Variants in EYA3 observed in about 807,000 individuals in gnomAD.
The protein encoded by EYA3 is EYA transcriptional coactivator and phosphatase 3.
A neutral mutation model predicts 80.0 loss-of-function variants in EYA3; 39 were observed. That is an observed-to-expected ratio of 0.49 (90% CI 0.38 to 0.64). EYA3 has a LOEUF of 0.64. Ranked by LOEUF, EYA3 falls within the 30% of genes least tolerant of loss-of-function variation. The probability of loss-of-function intolerance (pLI) is 0.00; values close to 1 mark genes in which losing one functional copy is unlikely to be tolerated. For synonymous variants in EYA3, 206 were observed against 232.8 expected, an observed-to-expected ratio of 0.88 and a Z score of 1.05; for missense variants, 523 against 676.1, an observed-to-expected ratio of 0.77 and a Z score of 2.51.
chr1:28,012,488 G>A (rs1002695774), intron 9 of EYA3, among the ~76,000 whole-genome samples: 7 of 151,980 alleles, frequency 4.6e-5, no homozygotes, highest in African/African-American at 1.5e-4. Flanking sequence ...TGCTTTCCTC[G>A]AACCACATGA....
At chr1:27,981,861 CA>C (rs1432898067) in intron 16 of EYA3, among the ~76,000 whole-genome samples, 2 of 151,812 alleles carry the variant, frequency 1.3e-5, no homozygotes, top group East Asian at 3.9e-4. Context: ...ATTTATGAGA[CA>C]AAGTCTTGCT....
chr1:28,011,494 T>C (rs528690966), intron 9 of EYA3, among the ~76,000 whole-genome samples: 1 of 152,304 alleles, frequency 6.6e-6, no homozygotes, highest in African/African-American at 2.4e-5. Context: ...ATCCTTAGCA[T>C]CTACCCACTA....
chr1:28,046,814 T>A (rs968353209), intron 3 of EYA3, among the ~76,000 whole-genome samples: 1 of 150,586 alleles, frequency 6.6e-6, no homozygotes, highest in African/African-American at 2.5e-5. Flanking sequence ...CTAATTACAG[T>A]AGATCTTATA....
intron 1 of EYA3, among the ~76,000 whole-genome samples, chr1:28,062,446 T>C (rs1644664654): frequency 6.6e-6 from 1 of 152,168 alleles, no homozygotes; most frequent in African/African-American, 2.4e-5. Context: ...ATAAATTTTA[T>C]TTTTACTCTT....
At chr1:28,020,627 T>C (rs1642366222) in intron 7 of EYA3, among the ~76,000 whole-genome samples, 1 of 151,254 alleles carries the variant, frequency 6.6e-6, no homozygotes, top group Non-Finnish European at 1.5e-5. Context: ...CATACAGCTA[T>C]GACTAAAAAG....
chr1:28,028,042 T>C, intron 6 of EYA3, 116 bp from the exon 7 acceptor site: 1 of 1,229,612 alleles, frequency 8.1e-7, no homozygotes, highest in Non-Finnish European at 1.1e-6. Context: ...AAAAATAAAT[T>C]TGCTTGTAAG....
At chr1:28,024,968 C>G (rs1362718311) in intron 7 of EYA3, among the ~76,000 whole-genome samples, 1 of 152,084 alleles carries the variant, frequency 6.6e-6, no homozygotes, top group African/African-American at 2.4e-5. Flanking sequence ...CCCTAACTCC[C>G]CCAGGGAGGA....
At position 28,087,992 on chromosome 1, in the gene EYA3, C is replaced by T. The variant is rs115706020; in HGVS notation, c.-69+532G>A. 3.0e-3 allele frequency among the ~76,000 whole-genome samples: 460 copies of T among 152,270 alleles called. 2 individuals are homozygous for T. Among genetic ancestry groups the T allele is most frequent in the African/African-American group, 0.01 (427 of 41,546 alleles). ...AAGCTCTCCTCTAGCTAAGGACAGG[C>T]AGAAGAACCCCAGGAGAAGCACTGT... On this transcript the variant is annotated intron_variant, in intron 1 of 17. Coordinates refer to ENST00000373871, the MANE Select transcript of EYA3 (RefSeq NM_001990.4).
At chr1:28,081,689 G>A (rs1195515820) in intron 1 of EYA3, among the ~76,000 whole-genome samples, 1 of 152,032 alleles carries the variant, frequency 6.6e-6, no homozygotes, top group Non-Finnish European at 1.5e-5. Flanking sequence ...AAAAGGGGGA[G>A]GGGCACAACA....
chr1:28,042,746 G>T, intron 3 of EYA3, 96 bp from the exon 4 acceptor site: 1 of 925,150 alleles, frequency 1.1e-6, no homozygotes. Flanking sequence ...GGCTATATAA[G>T]TAAGAGGCAA....
At chr1:28,036,134 A>C (rs558722818) in intron 5 of EYA3, among the ~76,000 whole-genome samples, 1 of 152,318 alleles carries the variant, frequency 6.6e-6, no homozygotes, top group African/African-American at 2.4e-5. Context: ...TCTTATGATC[A>C]GAAAGTAGAA....
intron 1 of EYA3, among the ~76,000 whole-genome samples, chr1:28,062,308 C>T (rs1228640315): frequency 6.6e-6 from 1 of 152,106 alleles, no homozygotes; most frequent in Admixed American, 6.5e-5. Flanking sequence ...TTACACTTCT[C>T]TACCTGTGAA....
chr1:28,062,818 T>C (rs56135727), intron 1 of EYA3, among the ~76,000 whole-genome samples: 1 of 151,870 alleles, frequency 6.6e-6, no homozygotes, highest in African/African-American at 2.4e-5. Flanking sequence ...CTGGCCAACA[T>C]GGTCAAACTC....
At chr1:28,040,030 G>A (rs1236170378) in intron 4 of EYA3, among the ~76,000 whole-genome samples, 1 of 152,068 alleles carries the variant, frequency 6.6e-6, no homozygotes, top group African/African-American at 2.4e-5. Flanking sequence ...CAACATCCTA[G>A]GAGACTGAGG....
intron 11 of EYA3, among the ~76,000 whole-genome samples, chr1:28,003,318 A>AACAAC (rs1557552138): frequency 2.7e-4 from 39 of 146,008 alleles, no homozygotes; most frequent in African/African-American, 9.9e-4. Context: ...ACAACAACAA[A>AACAAC]ATTAGCCAGG....
At chr1:28,002,772 A>G (rs1317465652) in intron 11 of EYA3, among the ~76,000 whole-genome samples, 1 of 151,796 alleles carries the variant, frequency 6.6e-6, no homozygotes, top group African/African-American at 2.4e-5. Context: ...TGTTTGCGCC[A>G]CTGTACTCCA....
At chr1:28,053,601 G>C (rs1052061909) in intron 2 of EYA3, among the ~76,000 whole-genome samples, 3 of 152,034 alleles carry the variant, frequency 2.0e-5, no homozygotes, top group Non-Finnish European at 4.4e-5. Context: ...TACTTCATAG[G>C]GCTCATGTTT....
chr1:28,025,763 T>C (rs1642743825), intron 7 of EYA3, among the ~76,000 whole-genome samples: 1 of 152,212 alleles, frequency 6.6e-6, no homozygotes, highest in Admixed American at 6.5e-5. Context: ...TTTTTAAATT[T>C]CTATTTATTT....
chr1:28,026,564 G>A (rs1642799185), intron 7 of EYA3, among the ~76,000 whole-genome samples: 1 of 152,152 alleles, frequency 6.6e-6, no homozygotes, highest in Non-Finnish European at 1.5e-5. Flanking sequence ...GCTGCAGTGA[G>A]CCATGATCGC....
Sources: allele counts gnomAD v4.1 joint callset (sites outside exome capture counted in the v4.1 genomes callset), GRCh38; gene constraint gnomAD v4.1.1; transcripts MANE v1.5; gene names NCBI Gene and HGNC (gene_info 2026-07-23, HGNC 2026-07-21).